CPNE3: variants seen among roughly 807,000 people sequenced by gnomAD.
The protein encoded by CPNE3 is copine-3.
In CPNE3, 68 loss-of-function variants were observed where a neutral mutation model predicts 63.9. That is an observed-to-expected ratio of 1.06 (90% CI 0.87 to 1.30). The LOEUF (loss-of-function observed/expected upper bound fraction) is 1.30, where lower values mean the gene tolerates loss of function less well. Among genes scored for constraint, CPNE3 ranks in the 50% most tolerant of loss-of-function variants. The probability of loss-of-function intolerance (pLI) is 0.00; values close to 1 mark genes in which losing one functional copy is unlikely to be tolerated. For missense variants in CPNE3, 665 were observed against 578.1 expected (o/e 1.15, Z -1.54); for synonymous variants, 219 against 197.5 (o/e 1.11, Z -0.91).
At chr8:86,557,119 C>T (rs1003322866) in intron 16 of CPNE3, among the ~76,000 whole-genome samples, 3 of 152,000 alleles carry the variant, frequency 2.0e-5, no homozygotes, top group South Asian at 2.1e-4. Context: ...TAAACATTTA[C>T]GCATGGGTTT....
At chr8:86,549,528 A>T (rs953758723) in intron 12 of CPNE3, among the ~76,000 whole-genome samples, 1 of 152,210 alleles carries the variant, frequency 6.6e-6, no homozygotes, top group Non-Finnish European at 1.5e-5. Context: ...AAAGCTGTCA[A>T]ACTGGACAAG....
chr8:86,549,879 C>G (rs2131490358), intron 12 of CPNE3, among the ~76,000 whole-genome samples: 1 of 152,304 alleles, frequency 6.6e-6, no homozygotes, highest in East Asian at 1.9e-4. Flanking sequence ...CTACTCACAT[C>G]TCCATCTCTA....
At chr8:86,531,835 C>T (rs1388138069) in intron 5 of CPNE3, among the ~76,000 whole-genome samples, 1 of 152,182 alleles carries the variant, frequency 6.6e-6, no homozygotes, top group Non-Finnish European at 1.5e-5. Context: ...GTACAGATAA[C>T]TGCTGCCTGG....
chr8:86,541,050 G>A (rs1260196717), intron 8 of CPNE3, among the ~76,000 whole-genome samples: 2 of 152,096 alleles, frequency 1.3e-5, no homozygotes, highest in African/African-American at 4.8e-5. Flanking sequence ...ACAGATAGAG[G>A]TCTTTTTTAT....
intron 2 of CPNE3, among the ~76,000 whole-genome samples, chr8:86,518,953 A>G (rs2131418112): frequency 6.6e-6 from 1 of 152,188 alleles, no homozygotes; most frequent in Non-Finnish European, 1.5e-5. Context: ...TATTTTTGGT[A>G]GAGATGGGGT....
chr8:86,553,061 A>G (rs888073787), intron 14 of CPNE3, among the ~76,000 whole-genome samples: 1 of 146,886 alleles, frequency 6.8e-6, no homozygotes, highest in Non-Finnish European at 1.5e-5. Flanking sequence ...ACAGGGTTTC[A>G]CCATGTTGGC....
Position 86,556,151 on chromosome 8 carries a change from A to T in CPNE3, c.1304A>T (p.Asp435Val), listed in dbSNP as rs1324534887. The T allele has an allele frequency of 3.4e-6, 3 of 872,898 alleles. No individual in the cohort carries two copies. Among genetic ancestry groups the T allele is most frequent in the Non-Finnish European group, 6.0e-6 (3 of 501,692 alleles). 54.1% of individuals were successfully genotyped at this position (872,898 alleles called of 1,614,324 possible). ...IITDGVITDL[D>V]ETRQAIVNAS... ...ACTGATGGTGTGATCACAGACCTTG[A>T]TGAAACCAGACAAGCTATAGTTAAT... Residue 435 changes from aspartate to valine, a missense_variant, in exon 16 of 17, where the codon GAT becomes GTT. By Grantham distance (152) the Asp-to-Val change is radical. Transcript: ENST00000517490.
Position 86,551,041 on chromosome 8 carries a change from T to C in CPNE3, c.1014-5T>C. 1.9e-6 allele frequency: 3 copies of C among 1,583,304 alleles called. No homozygotes were observed. The highest frequency in any genetic ancestry group is 2.6e-6 in the Non-Finnish European group (3 of 1,165,078). ...GTATTTTATTAAATATTTTTTTCTT[T>C]TTAGTGATAAGATGTTTCCAGCTTT... On this transcript the variant is annotated splice_region_variant and splice_polypyrimidine_tract_variant and intron_variant, in intron 12 of 16. Transcript: ENST00000517490.
intron 10 of CPNE3, 104 bp from the exon 11 acceptor site, chr8:86,547,607 A>G (rs544903714): frequency 2.6e-5 from 18 of 685,118 alleles, no homozygotes; most frequent in Non-Finnish European, 4.4e-5. Flanking sequence ...TGTTTATATC[A>G]TGTCCTGTTC....
chr8:86,545,091 C>G (rs1821019362), intron 9 of CPNE3: 2 of 250,276 alleles, frequency 8.0e-6, no homozygotes, highest in East Asian at 7.5e-5. Flanking sequence ...CAAAGATGAT[C>G]ACAGTGTCAG....
intron 10 of CPNE3, chr8:86,547,476 C>T (rs953283956): frequency 3.7e-5 from 15 of 408,170 alleles, no homozygotes; most frequent in African/African-American, 3.1e-4. Flanking sequence ...GAGTGTATTT[C>T]ATCTTTCGCC....
Position 86,556,270 on chromosome 8 carries a change from C to T in CPNE3, c.1423C>T (p.Arg475Cys), listed in dbSNP as rs754124587. The T allele has an allele frequency of 2.9e-5, 25 of 872,986 alleles. No homozygotes were observed. The East Asian group carries it at 5.0e-4, about 18-fold the overall frequency. 54.1% of individuals were successfully genotyped at this position (872,986 alleles called of 1,614,324 possible). ...EFLDGDGGSL[R>C]SPLGEVAIRD... ...TCTGGATGGTGATGGTGGAAGTCTC[C>T]GCTCCCCATTGGGCGAAGTGGCCAT... Residue 475 changes from arginine to cysteine, a missense_variant, in exon 16 of 17, where the codon CGC (arginine) becomes TGC (cysteine). Arg to Cys is a radical substitution (Grantham distance 180, BLOSUM62 -3). Coordinates refer to ENST00000517490, the MANE Select transcript of CPNE3 (RefSeq NM_003909.5).
At chr8:86,529,621 A>C (rs1171795432) in intron 4 of CPNE3, among the ~76,000 whole-genome samples, 1 of 152,120 alleles carries the variant, frequency 6.6e-6, no homozygotes, top group Non-Finnish European at 1.5e-5. Flanking sequence ...CTCACTTGGT[A>C]CTTACTATCT....
chr8:86,527,593 T>C (rs1820567888), intron 2 of CPNE3, among the ~76,000 whole-genome samples: 1 of 152,200 alleles, frequency 6.6e-6, no homozygotes, highest in Non-Finnish European at 1.5e-5. Context: ...AAGGAACTGA[T>C]GTCAGGGTTG....
chr8:86,556,036 T>C lies in CPNE3; in HGVS notation c.1255-66T>C, dbSNP rs1821316893. 3 of 814,004 alleles carry C rather than the reference T, an allele frequency of 3.7e-6. No individual in the cohort carries two copies. In the Admixed American group the frequency reaches 5.2e-5, roughly 14 times the overall value. 50.4% of individuals were successfully genotyped at this position (814,004 alleles called of 1,614,324 possible). On this transcript the variant is annotated intron_variant, in intron 15 of 16. Coordinates refer to ENST00000517490, the MANE Select transcript of CPNE3 (RefSeq NM_003909.5). ...TGAACAAGAAAGACTGGATGACTCA[T>C]CAAGCCAGAGATGCCATTAGCCATT...
In CPNE3 at chr8:86,540,329, A is replaced by G; in HGVS notation, c.628A>G (p.Ile210Val). The change falls in exon 8 of 17, where the codon ATT (isoleucine) becomes GTT (valine). Residue 210 changes from isoleucine (I) to valine (V), a missense_variant. By Grantham distance (29) the Ile-to-Val change is conservative (BLOSUM62 3). Transcript: ENST00000517490. Reference protein sequence around the residue: ...SLCYGDMDKTIKVECYDYDND... With the variant: ...SLCYGDMDKTVKVECYDYDND... ...GTGTTACGGAGATATGGACAAAACCATTAAGGTAAGTTGAAATTATATATA... is the reference window on the plus strand; with the variant it reads ...GTGTTACGGAGATATGGACAAAACCGTTAAGGTAAGTTGAAATTATATATA... The G allele has an allele frequency of 6.7e-7, 1 of 1,482,102 alleles. No homozygotes were observed. The highest frequency in any genetic ancestry group is 9.0e-7 in the Non-Finnish European group (1 of 1,111,684). The allele number at this position is 1,482,102 out of a possible 1,614,324, so 91.8% of individuals were successfully genotyped here.
At chr8:86,527,974 A>G (rs182006752) in intron 2 of CPNE3, among the ~76,000 whole-genome samples, 508 of 36,394 alleles carry the variant, frequency 0.014, 8 homozygotes, top group African/African-American at 0.068. Context: ...TTTTTTTTAG[A>G]CAGAGTCTCT....
chr8:86,537,711 A>C (rs113937108), intron 7 of CPNE3, 65 bp downstream of exon 7: 17 of 938,844 alleles, frequency 1.8e-5, no homozygotes, highest in Admixed American at 1.6e-4. Context: ...TCTGAATTTT[A>C]AAAAGCTTAT....
chr8:86,541,115 A>G (rs1168116231), intron 8 of CPNE3, among the ~76,000 whole-genome samples: 1 of 152,156 alleles, frequency 6.6e-6, no homozygotes, highest in Non-Finnish European at 1.5e-5. Flanking sequence ...TCTTTTTCTG[A>G]TAATAAATAT....
Sources: allele counts gnomAD v4.1 joint callset (sites outside exome capture counted in the v4.1 genomes callset), GRCh38; gene constraint gnomAD v4.1.1; transcripts MANE v1.5; gene names NCBI Gene and HGNC (gene_info 2026-07-23, HGNC 2026-07-21).